TMEM132D: variants seen among roughly 807,000 people sequenced by gnomAD.
TMEM132D encodes the protein transmembrane protein 132D.
Under a neutral mutation model 62.3 loss-of-function variants are expected in TMEM132D, and 21 were observed. The observed-to-expected ratio is 0.34, with a 90% confidence interval of 0.24 to 0.49. The LOEUF is 0.49. Ranked by LOEUF, TMEM132D falls within the 20% of genes least tolerant of loss-of-function variation. The probability of loss-of-function intolerance (pLI) is 0.99; values close to 1 mark genes in which losing one functional copy is unlikely to be tolerated. For synonymous variants in TMEM132D, 621 were observed against 575.6 expected (o/e 1.08, Z -1.13); for missense variants, 1,346 against 1,402.8 (o/e 0.96, Z 0.65).
intron 3 of TMEM132D, among the ~76,000 whole-genome samples, chr12:129,520,106 G>T (rs1156828270): frequency 2.0e-5 from 3 of 152,198 alleles, no homozygotes; most frequent in African/African-American, 7.2e-5. Flanking sequence ...GTAAGACAGT[G>T]TTCAGTGAGG....
At chr12:129,289,547 T>TAAAAAAAAAA (rs59709658) in intron 4 of TMEM132D, among the ~76,000 whole-genome samples, 12 of 91,238 alleles carry the variant, frequency 1.3e-4, no homozygotes, top group East Asian at 3.1e-4. Flanking sequence ...TCCATCTCAA[T>TAAAAAAAAAA]AAAAAAAAAA....
chr12:129,831,783 C>A (rs1265777049), intron 1 of TMEM132D, among the ~76,000 whole-genome samples: 1 of 145,768 alleles, frequency 6.9e-6, no homozygotes, highest in Admixed American at 7.1e-5. Flanking sequence ...CATCTTCCAG[C>A]CTCCCAACAA....
intron 2 of TMEM132D, chr12:129,682,873 A>AC (rs1880818629): frequency 6.6e-6 from 1 of 150,878 alleles, no homozygotes; most frequent in Non-Finnish European, 1.5e-5. Flanking sequence ...AAAAAAAAAA[A>AC]AAAAAAAAAG....
chr12:129,761,174 C>T (rs1870362969), intron 1 of TMEM132D, among the ~76,000 whole-genome samples: 1 of 152,112 alleles, frequency 6.6e-6, no homozygotes, highest in Non-Finnish European at 1.5e-5. Context: ...TCCTCCTCAT[C>T]CCCAGAGTCA....
At chr12:129,175,301 C>T (rs1286570230) in intron 5 of TMEM132D, among the ~76,000 whole-genome samples, 1 of 152,058 alleles carries the variant, frequency 6.6e-6, no homozygotes. Context: ...GGATGCCCCG[C>T]TTTTCAAGAG....
chr12:129,595,877 A>AATGCTGATTTTT (rs1878321962), intron 2 of TMEM132D, among the ~76,000 whole-genome samples: 1 of 152,212 alleles, frequency 6.6e-6, no homozygotes, highest in Non-Finnish European at 1.5e-5. Flanking sequence ...GAGCTAGAGA[A>AATGCTGATTTTT]ATGCTGATTT....
intron 2 of TMEM132D, among the ~76,000 whole-genome samples, chr12:129,573,862 C>G (rs776028465): frequency 3.3e-5 from 5 of 149,880 alleles, no homozygotes; most frequent in Non-Finnish European, 5.9e-5. Context: ...TTGTATCCTT[C>G]CATTTATAAA....
At chr12:129,617,694 T>C (rs1377141711) in intron 2 of TMEM132D, among the ~76,000 whole-genome samples, 1 of 152,136 alleles carries the variant, frequency 6.6e-6, no homozygotes, top group East Asian at 1.9e-4. Flanking sequence ...CCAGAGGACC[T>C]GCTTCCTGGT....
At chr12:129,601,935 C>T (rs1878493603) in intron 2 of TMEM132D, among the ~76,000 whole-genome samples, 1 of 151,884 alleles carries the variant, frequency 6.6e-6, no homozygotes, top group South Asian at 2.1e-4. Context: ...TGCAGGGTTG[C>T]CATAAACCTT....
chr12:129,668,298 C>T (rs1880424610), intron 2 of TMEM132D, among the ~76,000 whole-genome samples: 1 of 149,324 alleles, frequency 6.7e-6, no homozygotes, highest in Non-Finnish European at 1.5e-5. Context: ...TCTTAGGACA[C>T]ACACTAATTA....
chr12:129,854,657 G>T (rs1873661229), intron 1 of TMEM132D: 1 of 152,240 alleles, frequency 6.6e-6, no homozygotes, highest in East Asian at 1.9e-4. Flanking sequence ...TGGACTGTGT[G>T]CCAGCTGCGG....
intron 1 of TMEM132D, among the ~76,000 whole-genome samples, chr12:129,815,192 T>A (rs1872308596): frequency 6.6e-6 from 1 of 152,200 alleles, no homozygotes; most frequent in Admixed American, 6.5e-5. Flanking sequence ...AGTATATACA[T>A]GTGATGGATT....
intron 5 of TMEM132D, among the ~76,000 whole-genome samples, chr12:129,095,637 C>T (rs1875086384): frequency 6.6e-6 from 1 of 152,124 alleles, no homozygotes; most frequent in Non-Finnish European, 1.5e-5. Flanking sequence ...TAGGTGTGAG[C>T]CACTGTGCCT....
At chr12:129,350,945 G>A (rs1033661244) in intron 3 of TMEM132D, among the ~76,000 whole-genome samples, 1 of 152,166 alleles carries the variant, frequency 6.6e-6, no homozygotes, top group African/African-American at 2.4e-5. Flanking sequence ...CTGTTCCAGT[G>A]CAGGTATCAG....
intron 1 of TMEM132D, among the ~76,000 whole-genome samples, chr12:129,759,987 C>A (rs569026713): frequency 6.3e-4 from 95 of 151,962 alleles, no homozygotes; most frequent in Non-Finnish European, 1.2e-3. Context: ...CTCACTGCAG[C>A]CTCTAATTCC....
At chr12:129,233,868 T>TAA (rs35852149) in intron 4 of TMEM132D, among the ~76,000 whole-genome samples, 12 of 151,508 alleles carry the variant, frequency 7.9e-5, no homozygotes, top group African/African-American at 2.4e-4. Context: ...ATGGATTCAG[T>TAA]AAAAAAAAGT....
intron 1 of TMEM132D, among the ~76,000 whole-genome samples, chr12:129,808,389 T>C (rs1872064232): frequency 6.6e-6 from 1 of 152,114 alleles, no homozygotes; most frequent in South Asian, 2.1e-4. Context: ...TTTGTGAAAC[T>C]GGGACAGAAT....
At chr12:129,215,845 C>G (rs1331633870) in intron 4 of TMEM132D, among the ~76,000 whole-genome samples, 1 of 152,070 alleles carries the variant, frequency 6.6e-6, no homozygotes, top group Non-Finnish European at 1.5e-5. Flanking sequence ...TCTTACATGG[C>G]GTGGGGCAAA....
At chr12:129,534,890 T>G (rs1407451478) in intron 2 of TMEM132D, among the ~76,000 whole-genome samples, 1 of 152,194 alleles carries the variant, frequency 6.6e-6, no homozygotes, top group East Asian at 1.9e-4. Context: ...AATCTGGTTC[T>G]CAGCCTTCCC....
Sources: allele counts gnomAD v4.1 joint callset (sites outside exome capture counted in the v4.1 genomes callset), GRCh38; gene constraint gnomAD v4.1.1; transcripts MANE v1.5; gene names NCBI Gene and HGNC (gene_info 2026-07-23, HGNC 2026-07-21).